ATP10B: variants seen among roughly 807,000 people sequenced by gnomAD.
ATP10B encodes the protein phospholipid-transporting ATPase VB.
In ATP10B, 122 loss-of-function variants were observed where a neutral mutation model predicts 141.2. The ratio of observed to expected loss-of-function variants is 0.86; its 90% CI spans 0.75 to 1.00. The LOEUF (loss-of-function observed/expected upper bound fraction) is 1.00. Among genes scored for constraint, ATP10B ranks in the 50% least tolerant of loss-of-function variants. ATP10B has a pLI of 0.00. For synonymous variants in ATP10B, 685 were observed against 692.0 expected (o/e 0.99, Z 0.16); for missense variants, 1,876 against 1,825.3 (o/e 1.03, Z -0.51).
Position 160,634,447 on chromosome 5 carries a change from T to G in ATP10B, c.1288A>C (p.Ile430Leu), listed in dbSNP as rs369363270. 6.2e-5 allele frequency: 100 copies of G among 1,614,048 alleles called. No individual in the cohort carries two copies. Among genetic ancestry groups the G allele is most frequent in the Non-Finnish European group, 8.2e-5 (97 of 1,180,030 alleles). ...IAEDLGQIQYIFSDKTGTLTE... is the reference protein window; with the variant it reads ...IAEDLGQIQYLFSDKTGTLTE... Reference sequence around the variant, plus strand: ...AGGGTCCCCGTCTTATCGGAGAAGATGTACTGGATCTGGCCCAAGTCCTCT... The same window carrying G: ...AGGGTCCCCGTCTTATCGGAGAAGAGGTACTGGATCTGGCCCAAGTCCTCT... Residue 430 changes from isoleucine to leucine, a missense_variant, in exon 12 of 26, where the codon ATC (isoleucine) becomes CTC (leucine). Ile to Leu is a conservative substitution (Grantham distance 5). Coordinates refer to ENST00000327245, the MANE Select transcript of ATP10B (RefSeq NM_025153.3).
At chr5:160,770,312 C>G (rs1365233830) in intron 2 of ATP10B, among the ~76,000 whole-genome samples, 1 of 152,076 alleles carries the variant, frequency 6.6e-6, no homozygotes, top group Non-Finnish European at 1.5e-5. Context: ...CCCACCCCAC[C>G]TCTTCATCTG....
Position 160,632,184 on chromosome 5 carries a change from C to T in ATP10B, c.1565G>A (p.Arg522Lys). The change falls in exon 13 of 26, where the codon AGG becomes AAG. Residue 522 changes from arginine to lysine, a missense_variant. By Grantham distance (26) the Arg-to-Lys change is conservative (BLOSUM62 2). Coordinates refer to ENST00000327245, the MANE Select transcript of ATP10B (RefSeq NM_025153.3). The part of the protein sequence containing the change: ...RVPIQGHYRQ[R>K]SMGHRESSQP... ...TGAGCTTTCACGGTGCCCCATAGAC[C>T]TTTGCCGGTAGTGGCCCTGGATGGG... 1 of 1,614,200 alleles carries T rather than the reference C, an allele frequency of 6.2e-7. No individual in the cohort carries two copies. The highest frequency in any genetic ancestry group is 8.5e-7 in the Non-Finnish European group (1 of 1,180,030).
intron 13 of ATP10B, among the ~76,000 whole-genome samples, chr5:160,622,882 C>T (rs1477398107): frequency 6.6e-6 from 1 of 152,192 alleles, no homozygotes; most frequent in East Asian, 1.9e-4. Flanking sequence ...AATTTCTGCA[C>T]CAGCCTCTAA....
rs1266568046 is a variant in ATP10B at position 160,636,185 on chromosome 5, G to C, written c.1125C>G (p.Leu375=). 1 of 1,606,702 alleles carries C rather than the reference G, an allele frequency of 6.2e-7. No homozygotes were observed. Among genetic ancestry groups the C allele is most frequent in the East Asian group, 2.2e-5 (1 of 44,596 alleles). ...FYMFLTMIIL[L]QVLIPISLYV... is the part of the protein sequence containing the mutation. ...CTAGTTAGGGAGGGCTTCCTACCTG[G>C]AGCAGGATGATCATTGTGAGGAACA... The change falls in exon 11 of 26, where the codon CTC becomes CTG. Residue 375 remains leucine (L), a synonymous_variant. Transcript: ENST00000327245.
intron 1 of ATP10B, among the ~76,000 whole-genome samples, chr5:160,806,744 TGA>T (rs962277533): frequency 5.3e-5 from 8 of 152,202 alleles, no homozygotes; most frequent in Non-Finnish European, 4.4e-5. Context: ...TTGAGGTAAT[TGA>T]GAGGACAGAG....
the ATP10B span, among the ~76,000 whole-genome samples, chr5:160,899,366 ATGT>A: frequency 6.6e-6 from 1 of 152,056 alleles, no homozygotes; most frequent in South Asian, 2.1e-4. Context: ...AGGAAGAAAA[ATGT>A]CGTCATGTAG....
At position 160,636,272 on chromosome 5, in the gene ATP10B, A is replaced by T; in HGVS notation, c.1038T>A (p.Pro346=). The T allele has an allele frequency of 6.2e-7, 1 of 1,613,644 alleles. No homozygotes were observed. Among genetic ancestry groups the T allele is most frequent in the Non-Finnish European group, 8.5e-7 (1 of 1,179,756 alleles). The change falls in exon 11 of 26, where the codon CCT becomes CCA. Residue 346 remains proline (P), a synonymous_variant. Coordinates refer to ENST00000327245, the MANE Select transcript of ATP10B (RefSeq NM_025153.3). ...SIWNGTFEEH[P]PFDVPDANGS... is the part of the protein sequence containing the mutation. ...CATTGGCATCTGGCACATCGAAGGG[A>T]GGGTGTTCTTCAAAGGTCCCATTCC...
At chr5:160,855,580 C>A (rs1169222768), upstream of ATP10B, among the ~76,000 whole-genome samples, 1 of 151,172 alleles carries the variant, frequency 6.6e-6, no homozygotes, top group African/African-American at 2.4e-5. Flanking sequence ...CTTTTTATCC[C>A]CTTCACAGGG....
intron 3 of ATP10B, among the ~76,000 whole-genome samples, chr5:160,704,472 C>T (rs1451570917): frequency 6.6e-6 from 1 of 152,166 alleles, no homozygotes; most frequent in Non-Finnish European, 1.5e-5. Flanking sequence ...ATCCTCTAGG[C>T]TTTGTTGTCC....
At chr5:160,798,245 T>C (rs11960762) in intron 1 of ATP10B, among the ~76,000 whole-genome samples, 18,844 of 152,066 alleles carry the variant, frequency 0.12, 1,293 homozygotes, top group East Asian at 0.17. Flanking sequence ...GCTGGTGAAG[T>C]TGGGGAAGGG....
At chr5:160,670,740 G>A in intron 6 of ATP10B, 73 bp from the exon 7 acceptor site, 1 of 1,370,788 alleles carries the variant, frequency 7.3e-7, no homozygotes, top group Non-Finnish European at 1.0e-6. Flanking sequence ...AATAGAGGAA[G>A]GTCCCACCAG....
In ATP10B at chr5:160,817,120, C is replaced by T. The variant is rs181737218; in HGVS notation, c.-575-31317G>A. The stretch of plus-strand genomic sequence containing the variant: ...GACAGGGATGCCCTCTCTCACCACT[C>T]CTATTCAACATAATGTTGGAAGTTC... On this transcript the variant is annotated intron_variant, in intron 1 of 25. Transcript: ENST00000327245. 6.6e-5 allele frequency among the ~76,000 whole-genome samples: 10 copies of T among 152,288 alleles called. No individual in the cohort carries two copies. In the East Asian group the frequency reaches 1.7e-3, roughly 26 times the overall value.
At chr5:160,910,453 T>A in the ATP10B span, among the ~76,000 whole-genome samples, 1 of 152,176 alleles carries the variant, frequency 6.6e-6, no homozygotes, top group African/African-American at 2.4e-5. Flanking sequence ...AGCCCCTATA[T>A]CGAGAACAAA....
Position 160,612,738 on chromosome 5 carries a change from C to G in ATP10B, c.2838+3G>C. 1 of 1,608,314 alleles carries G rather than the reference C, an allele frequency of 6.2e-7. No homozygotes were observed. Among genetic ancestry groups the G allele is most frequent in the Non-Finnish European group, 8.5e-7 (1 of 1,175,304 alleles). On this transcript the variant is annotated splice_donor_region_variant and intron_variant, in intron 18 of 25. Transcript: ENST00000327245. Reference sequence around the variant, plus strand: ...CAGATATCAATACAGAGAATCACCTCACCTGATTCTCTGTATTGATGGTAT... The same window carrying G: ...CAGATATCAATACAGAGAATCACCTGACCTGATTCTCTGTATTGATGGTAT...
At chr5:160,892,623 T>TC in the ATP10B span, among the ~76,000 whole-genome samples, 2 of 152,126 alleles carry the variant, frequency 1.3e-5, no homozygotes, top group African/African-American at 4.8e-5. Context: ...TCTACAAACC[T>TC]CCCCTTTGTC....
the ATP10B span, among the ~76,000 whole-genome samples, chr5:160,899,640 G>C: frequency 1.3e-5 from 2 of 152,140 alleles, no homozygotes; most frequent in African/African-American, 4.8e-5. Context: ...AGTGACATGA[G>C]TAATACATGT....
chr5:160,686,274 C>G lies in ATP10B; in HGVS notation c.276-1G>C. The G allele has an allele frequency of 6.4e-7, 1 of 1,574,186 alleles. No individual in the cohort carries two copies. Among genetic ancestry groups the G allele is most frequent in the Non-Finnish European group, 8.7e-7 (1 of 1,155,252 alleles). ...GAACAGGAAATAGAGGTTAGCCCATCTGGAGGGGCAAGCGAAGTGTGAATA... is the reference window on the plus strand; with the variant it reads ...GAACAGGAAATAGAGGTTAGCCCATGTGGAGGGGCAAGCGAAGTGTGAATA... On this transcript the variant is annotated splice_acceptor_variant, in intron 5 of 25. Coordinates refer to ENST00000327245, the MANE Select transcript of ATP10B (RefSeq NM_025153.3). LOFTEE classifies it high-confidence loss of function.
intron 2 of ATP10B, 43 bp from the exon 3 acceptor site, chr5:160,717,077 T>G (rs1765707112): frequency 2.8e-5 from 27 of 981,062 alleles, no homozygotes; most frequent in Non-Finnish European, 3.3e-5. Flanking sequence ...AACTAACAGT[T>G]CAGTTATAAA....
At chr5:160,854,020 G>A (rs551875691), upstream of ATP10B, among the ~76,000 whole-genome samples, 1 of 152,162 alleles carries the variant, frequency 6.6e-6, no homozygotes, top group East Asian at 1.9e-4. Context: ...AGTGTGTCAT[G>A]TCTAGCTTTT....
Sources: allele counts gnomAD v4.1 joint callset (sites outside exome capture counted in the v4.1 genomes callset), GRCh38; gene constraint gnomAD v4.1.1; transcripts MANE v1.5; gene names NCBI Gene and HGNC (gene_info 2026-07-23, HGNC 2026-07-21).